The following PIGN variants were observed in gnomAD, a reference collection of about 807,000 sequenced individuals.
PIGN encodes phosphatidylinositol glycan anchor biosynthesis class N, also known as GPI ethanolamine phosphate transferase 1.
In PIGN, 117 loss-of-function variants were observed where a neutral mutation model predicts 125.4. That is an observed-to-expected ratio of 0.93 (90% CI 0.80 to 1.09). The LOEUF is 1.09. Among genes scored for constraint, PIGN ranks in the 50% least tolerant of loss-of-function variants. PIGN has a pLI of 0.00. For missense variants in PIGN, 1,075 were observed against 1,094.9 expected, an observed-to-expected ratio of 0.98 and a Z score of 0.26; for synonymous variants, 392 against 377.8, an observed-to-expected ratio of 1.04 and a Z score of -0.44.
chr18:62,088,837 G>A lies in PIGN; in HGVS notation c.2289C>T (p.Thr763=). 1 of 1,526,652 alleles carries A rather than the reference G, an allele frequency of 6.6e-7. No individual in the cohort carries two copies. The highest frequency in any genetic ancestry group is 8.9e-7 in the Non-Finnish European group (1 of 1,121,778). The allele number at this position is 1,526,652 out of a possible 1,614,324, so 94.6% of individuals were successfully genotyped here. ...CAGTATTATAAGAGAACTGGATACT[G>A]GTGAGCTGTGAGATAATAAGAAAAA... ...QSGVCCKQKL[T]SIQFSYNTDI... is the part of the protein sequence containing the mutation. The change falls in exon 25 of 31, where the codon ACC becomes ACT. Residue 763 remains threonine, a synonymous_variant. Transcript: ENST00000640252.
At chr18:62,119,514 T>C (rs890709688) in intron 14 of PIGN, among the ~76,000 whole-genome samples, 2 of 152,140 alleles carry the variant, frequency 1.3e-5, no homozygotes, top group African/African-American at 2.4e-5. Context: ...CAACAGAAGA[T>C]AAATCTGGTG....
chr18:62,117,953 T>C (rs951173152), intron 14 of PIGN, among the ~76,000 whole-genome samples: 10 of 152,224 alleles, frequency 6.6e-5, no homozygotes, highest in East Asian at 1.9e-4. Flanking sequence ...CATGTATATA[T>C]ACCATATTTT....
chr18:62,019,186 C>CA (rs1267491077), intron 23 of PIGN, among the ~76,000 whole-genome samples: 4 of 151,870 alleles, frequency 2.6e-5, no homozygotes, highest in South Asian at 4.2e-4. Context: ...TCCAAACAAA[C>CA]AAAAAAAAGC....
At chr18:62,055,342 G>A (rs889647958) in intron 30 of PIGN, among the ~76,000 whole-genome samples, 8 of 152,026 alleles carry the variant, frequency 5.3e-5, no homozygotes, top group African/African-American at 9.7e-5. Flanking sequence ...ACTGAAATAC[G>A]CAACAATGAA....
At chr18:62,121,823 A>G (rs2035317750) in intron 14 of PIGN, among the ~76,000 whole-genome samples, 1 of 152,194 alleles carries the variant, frequency 6.6e-6, no homozygotes, top group Admixed American at 6.5e-5. Flanking sequence ...TAGTACTGCA[A>G]TAAACACGGG....
chr18:62,045,684 A>AG lies in PIGN; in HGVS notation c.*171_*172insC. 1.8e-6 allele frequency: 1 copy of AG among 547,302 alleles called. No homozygotes were observed. Among genetic ancestry groups the AG allele is most frequent in the Non-Finnish European group, 3.0e-6 (1 of 329,356 alleles). 33.9% of individuals were successfully genotyped at this position (547,302 alleles called of 1,614,324 possible). The stretch of plus-strand genomic sequence containing the variant: ...TCATGCCTGCAAAACCTAGAAAAAA[A>AG]AAGAAGCTCCTTTGTTCCAGATAAC... On this transcript the variant is annotated 3_prime_UTR_variant, in exon 31 of 31. Transcript: ENST00000640252.
At chr18:62,068,124 CT>C (rs1439124506) in intron 30 of PIGN, among the ~76,000 whole-genome samples, 1 of 148,982 alleles carries the variant, frequency 6.7e-6, no homozygotes, top group Non-Finnish European at 1.5e-5. Context: ...GTTTTTTTGT[CT>C]CTTTAGAGGT....
At position 62,043,581 on chromosome 18, in the gene PIGN, T is replaced by C. The variant is rs540181110; in HGVS notation, c.*2275A>G. 2.0e-5 allele frequency: 3 copies of C among 152,332 alleles called. No homozygotes were observed. The highest frequency in any genetic ancestry group is 2.0e-4 in the Admixed American group (3 of 15,304). 9.4% of individuals were successfully genotyped at this position (152,332 alleles called of 1,614,324 possible). A position where few individuals can be genotyped will look rare whatever the true frequency, so the allele number is the denominator to read the frequency against. The stretch of plus-strand genomic sequence containing the variant: ...TTATAAAGACATTACTATGAAAATA[T>C]ACAATCATTTATAACATTATTTTCC... On this transcript the variant is annotated 3_prime_UTR_variant, in exon 31 of 31. Transcript: ENST00000640252.
chr18:62,138,321 T>C, intron 13 of PIGN, 23 bp from the exon 14 acceptor site: 1 of 1,517,948 alleles, frequency 6.6e-7, no homozygotes, highest in Admixed American at 2.3e-5. Context: ...TATGAAAATA[T>C]TACAAATGAG....
chr18:62,036,484 C>T (rs1568105319), downstream of PIGN, among the ~76,000 whole-genome samples: 1 of 152,122 alleles, frequency 6.6e-6, no homozygotes, highest in Non-Finnish European at 1.5e-5. Context: ...ACTAGCAATG[C>T]TTGCCACAAG....
chr18:62,102,595 C>T (rs2034487796), intron 21 of PIGN, among the ~76,000 whole-genome samples, 199 bp downstream of exon 21: 1 of 151,442 alleles, frequency 6.6e-6, no homozygotes, highest in Non-Finnish European at 1.5e-5. Flanking sequence ...ACTGGGCTGC[C>T]TCTTATGGAC....
intron 30 of PIGN, among the ~76,000 whole-genome samples, chr18:62,046,866 A>C (rs1324351430): frequency 2.6e-5 from 4 of 152,176 alleles, no homozygotes; most frequent in Non-Finnish European, 4.4e-5. Flanking sequence ...AAAATGTTGG[A>C]CACTATAAAC....
At chr18:62,026,825 A>T (rs1458155086) in intron 23 of PIGN, among the ~76,000 whole-genome samples, 1 of 152,200 alleles carries the variant, frequency 6.6e-6, no homozygotes, top group Non-Finnish European at 1.5e-5. Flanking sequence ...ATCACAGAAC[A>T]ATGTGGAGCC....
At chr18:62,026,927 G>C (rs1216172649) in intron 23 of PIGN, among the ~76,000 whole-genome samples, 1 of 152,214 alleles carries the variant, frequency 6.6e-6, no homozygotes, top group Non-Finnish European at 1.5e-5. Context: ...GGGGGCCAAG[G>C]CGCGGTGGCT....
At position 62,113,195 on chromosome 18, in the gene PIGN, G is replaced by A. The variant is rs768769793; in HGVS notation, c.1373C>T (p.Ala458Val). The A allele has an allele frequency of 1.2e-6, 2 of 1,612,638 alleles. No homozygotes were observed. The highest frequency in any genetic ancestry group is 2.2e-5 in the East Asian group (1 of 44,680). The change falls in exon 16 of 31, where the codon GCC becomes GTC. Residue 458 changes from alanine (A) to valine (V), a missense_variant. Physicochemically the swap from Ala to Val is moderately conservative, Grantham distance 64. This residue lies in a region of PIGN where 915 missense variants were observed against 908.7 expected (regional missense o/e 1.01). Transcript: ENST00000640252. ...ATGAGACTTGATGATCAACAAAGAG[G>A]CATAAGATATCCATCCCACAAAACC... ...VIGFVGWISYASLLIIKSHSN... is the reference protein window; with the variant it reads ...VIGFVGWISYVSLLIIKSHSN...
chr18:62,090,215 T>C (rs367786744), intron 24 of PIGN, among the ~76,000 whole-genome samples: 1 of 152,192 alleles, frequency 6.6e-6, no homozygotes, highest in South Asian at 2.1e-4. Flanking sequence ...TTCACTTATA[T>C]TGACTTTTTT....
intron 29 of PIGN, 48 bp from the exon 30 acceptor site, chr18:62,072,773 C>G: frequency 7.1e-7 from 1 of 1,416,850 alleles, no homozygotes; most frequent in Non-Finnish European, 9.7e-7. Flanking sequence ...TATTTAGATT[C>G]AGTCTAAAAA....
At chr18:62,094,561 T>C (rs1327917387) in intron 23 of PIGN, among the ~76,000 whole-genome samples, 2 of 152,188 alleles carry the variant, frequency 1.3e-5, no homozygotes, top group Non-Finnish European at 1.5e-5. Flanking sequence ...TCATAGATTC[T>C]AATTTAACAA....
At chr18:62,059,034 AT>A (rs1181219609) in intron 30 of PIGN, 1 of 151,984 alleles carries the variant, frequency 6.6e-6, no homozygotes, top group Non-Finnish European at 1.5e-5. Context: ...AAAAATAAAA[AT>A]TAAAATAATT....
Sources: gnomAD v4.1 joint callset for allele counts (sites outside exome capture counted in the v4.1 genomes callset) on GRCh38, gnomAD v4.1.1 for gene constraint, gnomAD v4.1.1 regional missense constraint, MANE v1.5 for transcripts, NCBI Gene and HGNC (gene_info 2026-07-23, HGNC 2026-07-21) for gene names.